The following SNX9 variants were observed in gnomAD, a reference collection of about 807,000 sequenced individuals.
SNX9 encodes the protein sorting nexin-9.
SNX9 carries 44 observed loss-of-function variants against 89.4 expected under a neutral mutation model. The observed-to-expected ratio is 0.49, with a 90% CI of 0.39 to 0.63. SNX9 has a LOEUF of 0.63. SNX9 is among the 30% of genes least tolerant of loss of function. SNX9 has a pLI of 0.00. For synonymous variants in SNX9, 236 were observed against 247.8 expected (o/e 0.95, Z 0.45); for missense variants, 578 against 736.1 (o/e 0.79, Z 2.49).
chr6:157,893,557 G>A (rs993245464), intron 4 of SNX9, among the ~76,000 whole-genome samples: 11 of 151,986 alleles, frequency 7.2e-5, no homozygotes, highest in Non-Finnish European at 1.5e-4. Flanking sequence ...ATTAGACAGG[G>A]TGGGTAATTT....
chr6:157,835,017 T>A lies in SNX9; in HGVS notation c.12+11571T>A, dbSNP rs567130516. Among the ~76,000 whole-genome samples the A allele has an allele frequency of 2.9e-4, 44 of 152,242 alleles. 1 individual carries two copies. The South Asian group carries it at 9.1e-3, about 32-fold the overall frequency. ...ACCAAAAAGTATAGACATTTTAAAT[T>A]TAATTTTATTTTTGAGACAGAGTCT... is the stretch of plus-strand genomic sequence containing the variant. On this transcript the variant is annotated intron_variant, in intron 1 of 17. Transcript: ENST00000392185.
chr6:157,858,178 A>G (rs1027174213), intron 1 of SNX9, among the ~76,000 whole-genome samples: 9 of 151,934 alleles, frequency 5.9e-5, no homozygotes, highest in Non-Finnish European at 1.2e-4. Flanking sequence ...TGTTAGTATC[A>G]CATATGCTAT....
chr6:157,848,894 G>A (rs1416640361), intron 1 of SNX9, among the ~76,000 whole-genome samples: 4 of 152,206 alleles, frequency 2.6e-5, no homozygotes, highest in Admixed American at 6.5e-5. Context: ...AGACCTGAAA[G>A]GTGAGTAGGA....
chr6:157,843,142 G>A (rs1297646098), intron 1 of SNX9, among the ~76,000 whole-genome samples: 1 of 152,164 alleles, frequency 6.6e-6, no homozygotes, highest in African/African-American at 2.4e-5. Context: ...AGCCTTCTAA[G>A]CCTTTCTGTA....
chr6:157,868,191 T>G (rs373389751), intron 2 of SNX9, among the ~76,000 whole-genome samples: 6 of 152,242 alleles, frequency 3.9e-5, no homozygotes, highest in African/African-American at 1.4e-4. Flanking sequence ...GGAGTTCTCT[T>G]TGCTGAATTA....
intron 4 of SNX9, among the ~76,000 whole-genome samples, chr6:157,881,918 A>G (rs1234014940): frequency 2.0e-5 from 3 of 152,374 alleles, no homozygotes; most frequent in East Asian, 1.9e-4. Context: ...AAGCTGCAAT[A>G]CATTATCCAG....
At chr6:157,930,604 C>A (rs1343320112) in intron 12 of SNX9, among the ~76,000 whole-genome samples, 1 of 152,162 alleles carries the variant, frequency 6.6e-6, no homozygotes, top group East Asian at 1.9e-4. Flanking sequence ...GCATTAGATT[C>A]TCATAGAAAT....
At chr6:157,939,178 G>GT (rs1783986104) in intron 16 of SNX9, among the ~76,000 whole-genome samples, 1 of 152,098 alleles carries the variant, frequency 6.6e-6, no homozygotes, top group Non-Finnish European at 1.5e-5. Context: ...AGGTTTGAGT[G>GT]TTTTTGAGCA....
At chr6:157,940,385 T>G (rs988249751) in intron 16 of SNX9, among the ~76,000 whole-genome samples, 1 of 152,230 alleles carries the variant, frequency 6.6e-6, no homozygotes, top group African/African-American at 2.4e-5. Context: ...AGTCATTCAT[T>G]TACTGGAAAG....
chr6:157,910,735 G>C (rs900432053), intron 9 of SNX9, among the ~76,000 whole-genome samples: 1 of 152,080 alleles, frequency 6.6e-6, no homozygotes, highest in African/African-American at 2.4e-5. Context: ...GGTAGAAAGG[G>C]TTTGTTTTTG....
Position 157,828,314 on chromosome 6 carries a change from T to A in SNX9, c.12+4868T>A, listed in dbSNP as rs188427148. Among the ~76,000 whole-genome samples the A allele has an allele frequency of 3.6e-4, 54 of 150,648 alleles. 1 individual carries two copies. In the East Asian group the frequency reaches 7.7e-3, roughly 22 times the overall value. On this transcript the variant is annotated intron_variant, in intron 1 of 17. Coordinates refer to ENST00000392185, the MANE Select transcript of SNX9 (RefSeq NM_016224.5). ...TTAGAAAGCATAAAAATGTTGCAGT[T>A]TTTCTACTGTGCCTTGTTTTTATAT...
At chr6:157,900,604 G>A (rs1034345072) in intron 5 of SNX9, among the ~76,000 whole-genome samples, 5 of 152,078 alleles carry the variant, frequency 3.3e-5, no homozygotes, top group Non-Finnish European at 5.9e-5. Context: ...TGAGGGCGGG[G>A]GTAGGTTAGT....
At chr6:157,841,559 A>T (rs1172221831) in intron 1 of SNX9, among the ~76,000 whole-genome samples, 1 of 152,080 alleles carries the variant, frequency 6.6e-6, no homozygotes, top group Non-Finnish European at 1.5e-5. Flanking sequence ...TGCACAGCCC[A>T]TGTGGGGTGT....
At chr6:157,888,800 G>A (rs538207991) in intron 4 of SNX9, among the ~76,000 whole-genome samples, 108 of 152,306 alleles carry the variant, frequency 7.1e-4, no homozygotes, top group African/African-American at 2.3e-3. Flanking sequence ...GTGGGATGTG[G>A]AATATGTAGG....
intron 4 of SNX9, among the ~76,000 whole-genome samples, chr6:157,879,793 T>G (rs1251891306): frequency 2.0e-5 from 3 of 152,230 alleles, no homozygotes; most frequent in Non-Finnish European, 4.4e-5. Context: ...CTGAAAAGGT[T>G]TCAGTATAGA....
chr6:157,841,248 T>TA (rs1781697122), intron 1 of SNX9, among the ~76,000 whole-genome samples: 1 of 152,240 alleles, frequency 6.6e-6, no homozygotes. Context: ...TGGAATTTCA[T>TA]ATTAGTCATG....
chr6:157,891,192 C>T (rs527434711), intron 4 of SNX9, among the ~76,000 whole-genome samples: 9 of 151,876 alleles, frequency 5.9e-5, no homozygotes, highest in Admixed American at 3.9e-4. Context: ...CCACCACACC[C>T]GGCTTTTTGT....
intron 1 of SNX9, among the ~76,000 whole-genome samples, chr6:157,866,916 G>A (rs1051314214): frequency 2.6e-5 from 4 of 152,120 alleles, no homozygotes; most frequent in African/African-American, 9.7e-5. Context: ...AAAGAAGATA[G>A]TCTGTTGTTG....
intron 17 of SNX9, 48 bp from the exon 18 acceptor site, chr6:157,942,743 G>T: frequency 6.3e-7 from 1 of 1,592,836 alleles, no homozygotes. Flanking sequence ...CTGTGAGGTC[G>T]TAATGGGAGT....
Sources: allele counts gnomAD v4.1 joint callset (sites outside exome capture counted in the v4.1 genomes callset), GRCh38; gene constraint gnomAD v4.1.1; transcripts MANE v1.5; gene names NCBI Gene and HGNC (gene_info 2026-07-23, HGNC 2026-07-21).